Variants in CSGALNACT1 observed in about 807,000 individuals in gnomAD.
The protein encoded by CSGALNACT1 is chondroitin sulfate N-acetylgalactosaminyltransferase 1.
A neutral mutation model predicts 51.0 loss-of-function variants in CSGALNACT1; 52 were observed. The ratio of observed to expected loss-of-function variants is 1.02; its 90% confidence interval spans 0.82 to 1.29. The LOEUF (loss-of-function observed/expected upper bound fraction) is 1.29. Among genes scored for constraint, CSGALNACT1 ranks in the 50% most tolerant of loss-of-function variants. The pLI, the probability that CSGALNACT1 is intolerant of heterozygous loss-of-function variation, is 0.00. For missense variants in CSGALNACT1, 935 were observed against 679.2 expected, an observed-to-expected ratio of 1.38 and a Z score of -4.19; for synonymous variants, 341 against 254.4, an observed-to-expected ratio of 1.34 and a Z score of -3.24.
At chr8:19,523,361 C>T (rs1210652876) in intron 3 of CSGALNACT1, among the ~76,000 whole-genome samples, 3 of 152,170 alleles carry the variant, frequency 2.0e-5, no homozygotes, top group Admixed American at 6.5e-5. Context: ...AACTCCAGGA[C>T]TCAAGCCATC....
intron 1 of CSGALNACT1, among the ~76,000 whole-genome samples, chr8:19,738,643 A>G (rs532550325): frequency 3.7e-4 from 56 of 152,344 alleles, no homozygotes; most frequent in African/African-American, 1.3e-3. Context: ...TATACTATGT[A>G]TATTTTACCA....
exon 10 of CSGALNACT1, chr8:19,405,728 A>G (rs1482778156): frequency 8.1e-6 from 13 of 1,609,520 alleles, no homozygotes; most frequent in Non-Finnish European, 1.1e-5. Flanking sequence ...AGCCACTTTC[A>G]GTAATTGCAA....
intron 3 of CSGALNACT1, among the ~76,000 whole-genome samples, chr8:19,550,607 C>CG (rs1470393232): frequency 6.6e-6 from 1 of 152,104 alleles, no homozygotes; most frequent in Non-Finnish European, 1.5e-5. Flanking sequence ...ATCTTGGTGA[C>CG]GATCCTCAAA....
intron 5 of CSGALNACT1, among the ~76,000 whole-genome samples, chr8:19,448,075 G>A (rs963495799): frequency 3.3e-5 from 5 of 152,188 alleles, no homozygotes; most frequent in African/African-American, 1.2e-4. Flanking sequence ...GCCAGTGGAG[G>A]TTGAACTTAA....
chr8:19,572,666 G>T (rs2043277453), intron 3 of CSGALNACT1, among the ~76,000 whole-genome samples: 1 of 152,212 alleles, frequency 6.6e-6, no homozygotes, highest in South Asian at 2.1e-4. Context: ...TTTTCCTTTG[G>T]TTGGATAATG....
upstream of CSGALNACT1, among the ~76,000 whole-genome samples, chr8:19,605,652 G>C (rs1482648545): frequency 1.3e-5 from 2 of 152,112 alleles, no homozygotes; most frequent in Non-Finnish European, 2.9e-5. Flanking sequence ...GAGAGCGGCT[G>C]AGAAACCATC....
exon 3 of CSGALNACT1, chr8:19,591,197 G>A (rs1256884271): frequency 6.6e-6 from 1 of 152,208 alleles, no homozygotes; most frequent in Non-Finnish European, 1.5e-5. Context: ...GAGCTGGATT[G>A]GTCTCACTAC....
chr8:19,727,759 T>C (rs1287756916), intron 1 of CSGALNACT1, among the ~76,000 whole-genome samples: 1 of 152,102 alleles, frequency 6.6e-6, no homozygotes, highest in African/African-American at 2.4e-5. Context: ...ACATTTCCCA[T>C]CCTTCCTGAC....
chr8:19,691,321 C>G (rs1192158173), intron 1 of CSGALNACT1, among the ~76,000 whole-genome samples: 1 of 152,126 alleles, frequency 6.6e-6, no homozygotes, highest in Non-Finnish European at 1.5e-5. Flanking sequence ...CTGAGCAGGG[C>G]TTCTAGATCT....
intron 3 of CSGALNACT1, among the ~76,000 whole-genome samples, chr8:19,526,583 A>G (rs1333088815): frequency 1.3e-5 from 2 of 152,096 alleles, no homozygotes; most frequent in Non-Finnish European, 2.9e-5. Context: ...CTCTGTTTCA[A>G]AATAATAATA....
At chr8:19,622,459 C>T (rs1034199813) in intron 1 of CSGALNACT1, among the ~76,000 whole-genome samples, 2 of 152,080 alleles carry the variant, frequency 1.3e-5, no homozygotes, top group Non-Finnish European at 2.9e-5. Flanking sequence ...TAAAAGAAAT[C>T]GTATGAACTT....
chr8:19,643,068 C>T (rs1042622439), intron 1 of CSGALNACT1, among the ~76,000 whole-genome samples: 12 of 151,338 alleles, frequency 7.9e-5, no homozygotes, highest in South Asian at 2.1e-4. Context: ...AAAATATACA[C>T]GACTACTTAA....
At chr8:19,658,735 A>AAAC (rs375439764) in intron 1 of CSGALNACT1, among the ~76,000 whole-genome samples, 218 of 152,226 alleles carry the variant, frequency 1.4e-3, no homozygotes, top group Admixed American at 5.0e-3. Flanking sequence ...CCCTGTCTCA[A>AAAC]AACAACAACA....
In CSGALNACT1 at chr8:19,673,563, C is replaced by A. The variant is rs566538645; in HGVS notation, c.-544+8910G>T. On this transcript the variant is annotated intron_variant, in intron 1 of 9. Coordinates refer to the CSGALNACT1 transcript ENST00000332246. ...CCACAGGAGAAAAGAGTGAAAGCCA[C>A]GTGTATTTCCATCTTTAATTCCCAT... is the stretch of plus-strand genomic sequence containing the variant. Among the ~76,000 whole-genome samples the A allele has an allele frequency of 1.4e-4, 22 of 152,300 alleles. No individual in the cohort carries two copies. In the South Asian group the frequency reaches 4.1e-3, roughly 29 times the overall value.
chr8:19,454,205 G>C (rs1366912818), intron 5 of CSGALNACT1, among the ~76,000 whole-genome samples: 2 of 152,136 alleles, frequency 1.3e-5, no homozygotes, highest in Admixed American at 1.3e-4. Context: ...AAACACTTGC[G>C]ACGTTTCTTG....
At chr8:19,651,423 A>C (rs908826575) in intron 1 of CSGALNACT1, among the ~76,000 whole-genome samples, 10 of 152,112 alleles carry the variant, frequency 6.6e-5, no homozygotes, top group Non-Finnish European at 2.9e-5. Flanking sequence ...CCCATCATCC[A>C]CCTTCAGTTA....
At chr8:19,451,391 G>A (rs898886677) in intron 5 of CSGALNACT1, among the ~76,000 whole-genome samples, 6 of 152,086 alleles carry the variant, frequency 3.9e-5, no homozygotes, top group Admixed American at 1.3e-4. Flanking sequence ...TATAAAAATC[G>A]TTTTATTAAA....
At chr8:19,684,505 G>C (rs1393193892), upstream of CSGALNACT1, among the ~76,000 whole-genome samples, 3 of 151,960 alleles carry the variant, frequency 2.0e-5, no homozygotes, top group African/African-American at 7.3e-5. Flanking sequence ...CTCCTGCTGG[G>C]GTGACTCCCC....
intron 4 of CSGALNACT1, among the ~76,000 whole-genome samples, chr8:19,481,203 G>A (rs1291238745): frequency 9.2e-5 from 14 of 151,670 alleles, no homozygotes; most frequent in South Asian, 2.1e-4. Context: ...TTTTGCCACC[G>A]TGCCAGTCTT....
Sources: allele counts gnomAD v4.1 joint callset (sites outside exome capture counted in the v4.1 genomes callset), GRCh38; gene constraint gnomAD v4.1.1; transcripts MANE v1.5; gene names NCBI Gene and HGNC (gene_info 2026-07-23, HGNC 2026-07-21).